Variants in FAM114A1 observed in about 807,000 individuals in gnomAD.
FAM114A1 encodes the protein protein NOXP20.
Under a neutral mutation model 64.3 loss-of-function variants are expected in FAM114A1, and 62 were observed. That is an observed-to-expected ratio of 0.96 (90% CI 0.79 to 1.19). The LOEUF is 1.19. FAM114A1 is among the 50% of genes most tolerant of loss of function. The pLI, the probability that FAM114A1 is intolerant of heterozygous loss-of-function variation, is 0.00. For missense variants in FAM114A1, 645 were observed against 676.3 expected, an observed-to-expected ratio of 0.95 and a Z score of 0.51; for synonymous variants, 254 against 251.1, an observed-to-expected ratio of 1.01 and a Z score of -0.11.
At chr4:38,929,122 G>A in intron 9 of FAM114A1, 120 bp from the exon 10 acceptor site, 1 of 740,656 alleles carries the variant, frequency 1.4e-6, no homozygotes, top group Non-Finnish European at 2.4e-6. Flanking sequence ...GCGGCTGGCG[G>A]GCAGGCTGCT....
intron 13 of FAM114A1, among the ~76,000 whole-genome samples, chr4:38,936,078 ATTTTTGTTTTGTTT>A (rs1183549483): frequency 1.4e-5 from 2 of 145,774 alleles, no homozygotes; most frequent in African/African-American, 5.1e-5. Context: ...TGTTTGTTTG[ATTTTTGTTTTGTTT>A]TTTTTGTTTT....
intron 7 of FAM114A1, among the ~76,000 whole-genome samples, chr4:38,911,861 C>CTTT (rs375816760): frequency 1.5e-4 from 8 of 54,036 alleles, no homozygotes; most frequent in Admixed American, 2.2e-4. Context: ...TTTCTTTTTT[C>CTTT]TTTTTTTTTT....
intron 8 of FAM114A1, among the ~76,000 whole-genome samples, chr4:38,915,789 GTGTGTT>G (rs1429536231): frequency 7.1e-6 from 1 of 141,140 alleles, no homozygotes; most frequent in African/African-American, 2.8e-5. Context: ...GTGTGTGTGT[GTGTGTT>G]TATTTAGCAA....
At chr4:38,883,838 C>A (rs1403819879) in intron 3 of FAM114A1, among the ~76,000 whole-genome samples, 1 of 152,178 alleles carries the variant, frequency 6.6e-6, no homozygotes, top group Non-Finnish European at 1.5e-5. Flanking sequence ...GTTCCCTGAA[C>A]GGTGACACCC....
intron 8 of FAM114A1, among the ~76,000 whole-genome samples, chr4:38,920,192 A>G (rs999649594): frequency 4.0e-5 from 6 of 151,848 alleles, no homozygotes; most frequent in Non-Finnish European, 5.9e-5. Flanking sequence ...GGGCAGCAGA[A>G]TGAGACCCGT....
chr4:38,888,125 A>G (rs1451413724), intron 3 of FAM114A1, among the ~76,000 whole-genome samples: 2 of 152,012 alleles, frequency 1.3e-5, no homozygotes, highest in South Asian at 4.2e-4. Flanking sequence ...TTTCTATCTA[A>G]TAATACCTTT....
intron 3 of FAM114A1, among the ~76,000 whole-genome samples, chr4:38,889,335 G>T (rs540710518): frequency 6.6e-6 from 1 of 152,234 alleles, no homozygotes; most frequent in African/African-American, 2.4e-5. Context: ...AAAGCAGGCA[G>T]TGATGAGTCA....
Position 38,943,997 on chromosome 4 carries a change from T to C in FAM114A1, c.*440T>C, listed in dbSNP as rs944951090. ...ACTGAACTTTGTTTTGTTACATAAA[T>C]GTCGCAGGCAAAAATAACACTACTT... is the stretch of plus-strand genomic sequence containing the variant. On this transcript the variant is annotated 3_prime_UTR_variant, in exon 15 of 15. Coordinates refer to ENST00000358869, the MANE Select transcript of FAM114A1 (RefSeq NM_138389.4). The C allele has an allele frequency of 6.5e-6, 1 of 153,524 alleles. No homozygotes were observed. The highest frequency in any genetic ancestry group is 2.4e-5 in the African/African-American group (1 of 41,370). 9.5% of individuals were successfully genotyped at this position (153,524 alleles called of 1,614,324 possible). A position where few individuals can be genotyped will look rare whatever the true frequency, so the allele number is the denominator to read the frequency against.
chr4:38,911,561 A>G (rs1718532167), intron 7 of FAM114A1, among the ~76,000 whole-genome samples: 1 of 152,198 alleles, frequency 6.6e-6, no homozygotes, highest in East Asian at 1.9e-4. Context: ...CCTTGTAGGT[A>G]GTGAGGAATG....
At chr4:38,907,244 G>T (rs557647910) in intron 6 of FAM114A1, among the ~76,000 whole-genome samples, 2 of 152,148 alleles carry the variant, frequency 1.3e-5, no homozygotes, top group Non-Finnish European at 2.9e-5. Flanking sequence ...CCACCCCCGT[G>T]GGGGGTTTGT....
Position 38,891,771 on chromosome 4 carries a change from GA to G in FAM114A1, c.378del (p.Trp127GlyfsTer19). The G allele has an allele frequency of 6.2e-7, 1 of 1,612,368 alleles. No homozygotes were observed. Among genetic ancestry groups the G allele is most frequent in the Non-Finnish European group, 8.5e-7 (1 of 1,179,288 alleles). On this transcript the variant is annotated frameshift_variant, in exon 4 of 15. Coordinates refer to ENST00000358869, the MANE Select transcript of FAM114A1 (RefSeq NM_138389.4). LOFTEE classifies it high-confidence loss of function. Reference protein sequence around the residue: ...LAVDSPPSGGGWAGWGSWGKS... With the variant: ...LAVDSPPSGGXWAGWGSWGKS... The stretch of plus-strand genomic sequence containing the variant: ...GTGGATTCCCCTCCAAGTGGAGGAG[GA>G]TGGGCAGGCTGGGGATCCTGGGGCA...
At chr4:38,897,017 G>A (rs930468159) in intron 4 of FAM114A1, among the ~76,000 whole-genome samples, 1 of 152,200 alleles carries the variant, frequency 6.6e-6, no homozygotes. Flanking sequence ...TCTAACAGTT[G>A]TTGAAAAACT....
At chr4:38,901,471 T>G (rs1717514988) in intron 4 of FAM114A1, among the ~76,000 whole-genome samples, 1 of 152,144 alleles carries the variant, frequency 6.6e-6, no homozygotes, top group Non-Finnish European at 1.5e-5. Context: ...ATTGTATTTT[T>G]GGTAGAGGTG....
chr4:38,900,225 TAAA>T (rs34215730), intron 4 of FAM114A1, among the ~76,000 whole-genome samples: 9 of 146,932 alleles, frequency 6.1e-5, no homozygotes, highest in African/African-American at 2.2e-4. Context: ...ACGATTATTT[TAAA>T]AAAAAAAAAC....
Position 38,886,234 on chromosome 4 carries a change from C to T in FAM114A1, c.349-5509C>T, listed in dbSNP as rs868093422. On this transcript the variant is annotated intron_variant, in intron 3 of 14. Coordinates refer to ENST00000358869, the MANE Select transcript of FAM114A1 (RefSeq NM_138389.4). ...CCTCCCAGGCTGGAGTGCAGTGGCA[C>T]GATCTCAGCTCACTGCAACCTCCGC... 2.7e-5 allele frequency among the ~76,000 whole-genome samples: 4 copies of T among 150,656 alleles called. No individual in the cohort carries two copies. The South Asian group carries it at 6.3e-4, about 24-fold the overall frequency.
chr4:38,943,363 T>G, intron 14 of FAM114A1, 93 bp from the exon 15 acceptor site: 1 of 1,020,910 alleles, frequency 9.8e-7, no homozygotes, highest in Non-Finnish European at 1.5e-6. Flanking sequence ...ATATGGGGGG[T>G]GGGTTGAAGA....
intron 10 of FAM114A1, 120 bp downstream of exon 10, chr4:38,929,453 T>C (rs1304357154): frequency 5.4e-6 from 4 of 746,874 alleles, no homozygotes; most frequent in Admixed American, 5.1e-5. Flanking sequence ...TGTGGCATAG[T>C]GCCGGGAGAG....
rs1560343657 is a variant in FAM114A1 at position 38,945,597 on chromosome 4, ACTT to A, written c.*2044_*2046del. 6.6e-6 allele frequency: 1 copy of A among 152,242 alleles called. No individual in the cohort carries two copies. The highest frequency in any genetic ancestry group is 2.4e-5 in the African/African-American group (1 of 41,472). The allele number at this position is 152,242 out of a possible 1,614,324, so 9.4% of individuals were successfully genotyped here. On this transcript the variant is annotated 3_prime_UTR_variant, in exon 15 of 15. Coordinates refer to ENST00000358869, the MANE Select transcript of FAM114A1 (RefSeq NM_138389.4). Reference sequence around the variant, plus strand: ...AGTAAGGATATTTTAATATCATCCTACTTCTTATTAGCATTTCATTTGTCTATG... The same window carrying A: ...AGTAAGGATATTTTAATATCATCCTACTTATTAGCATTTCATTTGTCTATG...
intron 7 of FAM114A1, among the ~76,000 whole-genome samples, 175 bp downstream of exon 7, chr4:38,908,901 A>G (rs1367909261): frequency 6.6e-6 from 1 of 152,202 alleles, no homozygotes; most frequent in East Asian, 1.9e-4. Context: ...TTAATTCCTC[A>G]GAGGAGACAA....
Sources: gnomAD v4.1 joint callset for allele counts (sites outside exome capture counted in the v4.1 genomes callset) on GRCh38, gnomAD v4.1.1 for gene constraint, MANE v1.5 for transcripts, NCBI Gene and HGNC (gene_info 2026-07-23, HGNC 2026-07-21) for gene names.